Variants in PPARGC1A observed in about 807,000 individuals in gnomAD.
PPARGC1A encodes PPARG coactivator 1 alpha.
A neutral mutation model predicts 88.7 loss-of-function variants in PPARGC1A; 25 were observed. That is an observed-to-expected ratio of 0.28 (90% CI 0.21 to 0.39). The LOEUF (loss-of-function observed/expected upper bound fraction) is 0.39, where lower values mean the gene tolerates loss of function less well. PPARGC1A is among the 10% of genes least tolerant of loss of function. PPARGC1A has a pLI of 1.00. For synonymous variants in PPARGC1A, 363 were observed against 355.6 expected (o/e 1.02, Z -0.24); for missense variants, 880 against 968.7 (o/e 0.91, Z 1.22).
At chr4:24,376,923 A>G in the PPARGC1A span, among the ~76,000 whole-genome samples, 1 of 152,164 alleles carries the variant, frequency 6.6e-6, no homozygotes, top group Non-Finnish European at 1.5e-5. Context: ...CTCTGCAAGT[A>G]ATGTTTGATG....
chr4:24,445,424 A>G, the PPARGC1A span, among the ~76,000 whole-genome samples: 5 of 152,230 alleles, frequency 3.3e-5, no homozygotes, highest in Admixed American at 6.5e-5. Context: ...TTCTGATGAC[A>G]CAACCAGATT....
chr4:24,393,893 A>T, the PPARGC1A span, among the ~76,000 whole-genome samples: 1 of 152,208 alleles, frequency 6.6e-6, no homozygotes, highest in African/African-American at 2.4e-5. Context: ...CCAAGGCAGG[A>T]GGATGGCGTG....
intron 2 of PPARGC1A, among the ~76,000 whole-genome samples, chr4:23,839,491 T>A (rs1726661617): frequency 6.6e-6 from 1 of 152,130 alleles, no homozygotes; most frequent in Non-Finnish European, 1.5e-5. Context: ...AACTGGGCAC[T>A]GTGGGAAGAA....
chr4:24,328,184 G>A, the PPARGC1A span, among the ~76,000 whole-genome samples: 1 of 151,942 alleles, frequency 6.6e-6, no homozygotes, highest in Non-Finnish European at 1.5e-5. Context: ...AGCCTATTTG[G>A]TGGTCTCTTC....
chr4:23,933,091 T>G, the PPARGC1A span, among the ~76,000 whole-genome samples: 3 of 152,202 alleles, frequency 2.0e-5, no homozygotes, highest in African/African-American at 7.2e-5. Flanking sequence ...TGGAGCTTCT[T>G]CCCAATTCTT....
At chr4:24,052,651 A>T in the PPARGC1A span, among the ~76,000 whole-genome samples, 4 of 151,222 alleles carry the variant, frequency 2.6e-5, no homozygotes, top group African/African-American at 9.7e-5. Context: ...AAAAAAAAAA[A>T]AAATATTCCC....
At chr4:24,437,103 G>T in the PPARGC1A span, among the ~76,000 whole-genome samples, 3 of 152,184 alleles carry the variant, frequency 2.0e-5, no homozygotes, top group African/African-American at 7.2e-5. Context: ...TTCAAGACTG[G>T]GCTTTTGTTT....
chr4:23,908,148 T>C (rs1720291426), upstream of PPARGC1A, among the ~76,000 whole-genome samples: 1 of 152,194 alleles, frequency 6.6e-6, no homozygotes, highest in Non-Finnish European at 1.5e-5. Flanking sequence ...TGCCACCAAG[T>C]GTAACTCTTT....
chr4:24,307,423 C>T, the PPARGC1A span, among the ~76,000 whole-genome samples: 204 of 152,230 alleles, frequency 1.3e-3, 1 homozygote, highest in African/African-American at 4.3e-3. Flanking sequence ...GAAAAACACA[C>T]TTTTGTACAT....
chr4:23,937,393 T>C, the PPARGC1A span, among the ~76,000 whole-genome samples: 1 of 152,180 alleles, frequency 6.6e-6, no homozygotes, highest in African/African-American at 2.4e-5. Context: ...TTCTGCCACT[T>C]CTGCCCAAAG....
the PPARGC1A span, among the ~76,000 whole-genome samples, chr4:24,083,936 G>T: frequency 6.6e-6 from 1 of 152,214 alleles, no homozygotes; most frequent in Non-Finnish European, 1.5e-5. Context: ...AGTGCATTGT[G>T]TGTGTTTCTT....
chr4:24,453,092 G>C, the PPARGC1A span, among the ~76,000 whole-genome samples: 1 of 152,192 alleles, frequency 6.6e-6, no homozygotes, highest in Non-Finnish European at 1.5e-5. Context: ...TTTGAACACA[G>C]GCAGGCACAG....
chr4:24,387,766 G>GAA, the PPARGC1A span, among the ~76,000 whole-genome samples: 1,178 of 51,790 alleles, frequency 0.023, 30 homozygotes, highest in East Asian at 0.035. Context: ...GAGAGAGAGA[G>GAA]AGAAAGAAAG....
the PPARGC1A span, among the ~76,000 whole-genome samples, chr4:24,327,876 G>T: frequency 6.6e-6 from 1 of 152,070 alleles, no homozygotes; most frequent in Non-Finnish European, 1.5e-5. Flanking sequence ...ACTTGCACGT[G>T]TATGCCCAGA....
chr4:24,011,872 T>G, the PPARGC1A span, among the ~76,000 whole-genome samples: 1 of 152,206 alleles, frequency 6.6e-6, no homozygotes, highest in East Asian at 1.9e-4. Context: ...TATGAAGGTA[T>G]GGGAAAACTG....
At chr4:24,287,335 G>A in the PPARGC1A span, among the ~76,000 whole-genome samples, 3 of 152,118 alleles carry the variant, frequency 2.0e-5, no homozygotes, top group African/African-American at 7.2e-5. Context: ...AGGAAGCAGC[G>A]ATGGTTGAGC....
the PPARGC1A span, among the ~76,000 whole-genome samples, chr4:24,027,219 CTGTGTGTCTG>C: frequency 7.0e-6 from 1 of 142,168 alleles, no homozygotes; most frequent in African/African-American, 2.6e-5. Flanking sequence ...GTGTGTGTGT[CTGTGTGTCTG>C]TGTGTGTCTG....
the PPARGC1A span, among the ~76,000 whole-genome samples, chr4:24,230,691 A>AC: frequency 5.6e-4 from 86 of 152,294 alleles, no homozygotes; most frequent in African/African-American, 2.0e-3. Context: ...GAGAAAAGGA[A>AC]CTGAGGCAGA....
chr4:23,864,290 TGATTG>T (rs1731755549), intron 2 of PPARGC1A, among the ~76,000 whole-genome samples: 1 of 152,210 alleles, frequency 6.6e-6, no homozygotes, highest in Non-Finnish European at 1.5e-5. Flanking sequence ...ACCCATTGTC[TGATTG>T]TGTCACCCGG....
Sources: gnomAD v4.1 joint callset for allele counts (sites outside exome capture counted in the v4.1 genomes callset) on GRCh38, gnomAD v4.1.1 for gene constraint, MANE v1.5 for transcripts, NCBI Gene and HGNC (gene_info 2026-07-23, HGNC 2026-07-21) for gene names.